Variants in AHI1 observed in about 807,000 individuals in gnomAD.
The protein encoded by AHI1 is jouberin.
A neutral mutation model predicts 149.3 loss-of-function variants in AHI1; 123 were observed. The observed-to-expected ratio is 0.82, with a 90% confidence interval of 0.71 to 0.96. The LOEUF (loss-of-function observed/expected upper bound fraction) is 0.96. AHI1 is among the 40% of genes least tolerant of loss of function. The pLI is 0.00. For synonymous variants in AHI1, 475 were observed against 459.8 expected (o/e 1.03, Z -0.42); for missense variants, 1,439 against 1,422.7 (o/e 1.01, Z -0.18).
chr6:135,366,042 C>T (rs1163434562), intron 23 of AHI1, among the ~76,000 whole-genome samples: 2 of 152,130 alleles, frequency 1.3e-5, no homozygotes, highest in South Asian at 2.1e-4. Flanking sequence ...TTGTCAAATG[C>T]TTTTTCTCTT....
chr6:135,302,643 T>A (rs1784021092), intron 26 of AHI1: 1 of 1,165,496 alleles, frequency 8.6e-7, no homozygotes. Context: ...TTACAAAGTT[T>A]ACCACTTACT....
chr6:135,488,403 T>C (rs1794781769), intron 5 of AHI1, among the ~76,000 whole-genome samples: 1 of 152,148 alleles, frequency 6.6e-6, no homozygotes, highest in Non-Finnish European at 1.5e-5. Flanking sequence ...TTCCGTAGTG[T>C]CAATTCCATC....
intron 3 of AHI1, chr6:135,492,593 G>C (rs2128136640): frequency 1.0e-6 from 1 of 985,198 alleles, no homozygotes; most frequent in Middle Eastern, 5.2e-4. Flanking sequence ...ACTTTTTAAA[G>C]TGTTTTAATA....
chr6:135,473,392 G>C (rs754141386), intron 5 of AHI1, among the ~76,000 whole-genome samples: 2 of 151,998 alleles, frequency 1.3e-5, no homozygotes, highest in Non-Finnish European at 2.9e-5. Flanking sequence ...TTCCAACTTT[G>C]TTCCTTTTCA....
At chr6:135,388,711 T>G (rs1041221166) in intron 23 of AHI1, among the ~76,000 whole-genome samples, 25 of 152,152 alleles carry the variant, frequency 1.6e-4, no homozygotes, top group African/African-American at 5.3e-4. Flanking sequence ...ACAAAATGAA[T>G]GAAAAAATGC....
chr6:135,286,262 G>A (rs1317603222), intron 28 of AHI1: 1 of 152,388 alleles, frequency 6.6e-6, no homozygotes, highest in East Asian at 1.9e-4. Context: ...GAACCAATAT[G>A]CAGATGAAAC....
In AHI1 at chr6:135,490,676, G is replaced by A. The variant is rs199612496; in HGVS notation, c.82C>T (p.Arg28Cys). The change falls in exon 5 of 29, where the codon CGT (arginine) becomes TGT (cysteine). Residue 28 changes from arginine to cysteine, a missense_variant. Transcript: ENST00000265602. ...TTTTTCTTCAGTTTTTTCTTTTCAC[G>A]CATTAGATCACTGTGGGTCTTAAGC... ...ELLKTHSDLM[R>C]EKKKLKKKLV... The A allele has an allele frequency of 7.0e-4, 1,135 of 1,613,114 alleles. 8 individuals are homozygous for A. In the South Asian group the frequency reaches 7.4e-3, roughly 11 times the overall value.
chr6:135,291,062 T>G (rs950643656), intron 27 of AHI1, among the ~76,000 whole-genome samples: 1 of 151,862 alleles, frequency 6.6e-6, no homozygotes, highest in East Asian at 1.9e-4. Flanking sequence ...TCAATGGCAA[T>G]AGCAAAATAT....
chr6:135,331,666 A>G (rs568336547), intron 24 of AHI1, among the ~76,000 whole-genome samples: 1 of 152,338 alleles, frequency 6.6e-6, no homozygotes, highest in Non-Finnish European at 1.5e-5. Context: ...ATGCAATCCA[A>G]TAATTGATGT....
chr6:135,472,407 T>G (rs1167224337), intron 5 of AHI1, among the ~76,000 whole-genome samples: 1 of 152,372 alleles, frequency 6.6e-6, no homozygotes, highest in South Asian at 2.1e-4. Context: ...TGTACAGTTA[T>G]ATGCCACATT....
chr6:135,340,560 A>C (rs541385153), intron 24 of AHI1, among the ~76,000 whole-genome samples: 68 of 150,676 alleles, frequency 4.5e-4, no homozygotes, highest in Non-Finnish European at 8.3e-4. Flanking sequence ...GAAATGAAAG[A>C]GCACTGACAG....
intron 20 of AHI1, among the ~76,000 whole-genome samples, chr6:135,418,485 T>C (rs921038213): frequency 1.3e-5 from 2 of 152,144 alleles, no homozygotes; most frequent in African/African-American, 2.4e-5. Context: ...GTGTATGTTC[T>C]TGAGTTAAAC....
In AHI1 at chr6:135,490,612, C is replaced by A; in HGVS notation, c.135+11G>T. On this transcript the variant is annotated intron_variant, in intron 5 of 28. Transcript: ENST00000265602. The stretch of plus-strand genomic sequence containing the variant: ...ATGTAAATCACTATTACCCAATGAT[C>A]ATTTACTTACTGAGATGTTTTCTTC... The A allele has an allele frequency of 6.2e-7, 1 of 1,613,448 alleles. No individual in the cohort carries two copies. The highest frequency in any genetic ancestry group is 1.1e-5 in the South Asian group (1 of 90,926).
At chr6:135,354,247 C>T (rs1409543159) in intron 24 of AHI1, among the ~76,000 whole-genome samples, 1 of 152,026 alleles carries the variant, frequency 6.6e-6, no homozygotes, top group Non-Finnish European at 1.5e-5. Flanking sequence ...AATGTAGGAG[C>T]TTTACAAAAA....
chr6:135,442,692 T>C lies in AHI1; in HGVS notation c.1802A>G (p.His601Arg), dbSNP rs1191552885. 3 of 1,610,150 alleles carry C rather than the reference T, an allele frequency of 1.9e-6. No individual in the cohort carries two copies. The highest frequency in any genetic ancestry group is 2.5e-6 in the Non-Finnish European group (3 of 1,178,106). ...PGQACRIPNK[H>R]LFSLNAGERG... ...TTCTCCTGCATTTAGTGAGAAGAGG[T>C]GTTTGTTTGGGATACGGCAAGCCTA... The change falls in exon 14 of 29, where the codon CAC (histidine) becomes CGC (arginine). Residue 601 changes from histidine (H) to arginine (R), a missense_variant. Physicochemically the swap from His to Arg is conservative, Grantham distance 29. Transcript: ENST00000265602.
At chr6:135,375,815 T>C in intron 23 of AHI1, among the ~76,000 whole-genome samples, 1 of 152,208 alleles carries the variant, frequency 6.6e-6, no homozygotes, top group Admixed American at 6.5e-5. Flanking sequence ...TTTTAGTTTC[T>C]AAATTGCATT....
intron 24 of AHI1, among the ~76,000 whole-genome samples, chr6:135,340,658 CATATATATAT>C (rs71006759): frequency 2.4e-4 from 9 of 38,066 alleles, no homozygotes; most frequent in Non-Finnish European, 3.9e-4. Flanking sequence ...TACATACATA[CATATATATAT>C]ATATATATAT....
chr6:135,405,263 C>G (rs1780599866), intron 21 of AHI1, among the ~76,000 whole-genome samples: 1 of 152,066 alleles, frequency 6.6e-6, no homozygotes, highest in Non-Finnish European at 1.5e-5. Context: ...GAATAAAATT[C>G]TATACTAGAA....
chr6:135,427,325 T>C lies in AHI1; in HGVS notation c.2624-18A>G, dbSNP rs1370303321. On this transcript the variant is annotated intron_variant, in intron 19 of 28. Coordinates refer to ENST00000265602, the MANE Select transcript of AHI1 (RefSeq NM_001134831.2). ...TTGTTCTCCTAAATAAAAAGAGAGA[T>C]TCAAAAATGTATATCAGAGCATATC... 6.3e-7 allele frequency: 1 copy of C among 1,599,444 alleles called. No homozygotes were observed.
Sources: allele counts gnomAD v4.1 joint callset (sites outside exome capture counted in the v4.1 genomes callset), GRCh38; gene constraint gnomAD v4.1.1; transcripts MANE v1.5; gene names NCBI Gene and HGNC (gene_info 2026-07-23, HGNC 2026-07-21).